Variants in CDRT4 observed in about 807,000 individuals in gnomAD.
CDRT4 encodes the protein CMT1A duplicated region transcript 4, also known as CMT1A duplicated region transcript 4 protein.
For missense variants in CDRT4, 167 were observed against 193.1 expected (o/e 0.87, Z 0.80); for synonymous variants, 64 against 69.6 (o/e 0.92, Z 0.40).
Position 15,467,467 on chromosome 17 carries a change from G to C in CDRT4, c.-137C>G, listed in dbSNP as rs1202778915. 2 of 152,330 alleles carry C rather than the reference G, an allele frequency of 1.3e-5. No individual in the cohort carries two copies. Among genetic ancestry groups the C allele is most frequent in the East Asian group, 1.9e-4 (1 of 5,180 alleles). The allele number at this position is 152,330 out of a possible 1,614,324, so 9.4% of individuals were successfully genotyped here. ...TCTGGCCCAGACTGTTACCTGAGAA[G>C]TTTCTGTGATTCCCCATCCTTCCTG... On this transcript the variant is annotated 5_prime_UTR_variant, in exon 1 of 4. Coordinates refer to ENST00000619038, the MANE Select transcript of CDRT4 (RefSeq NM_001204477.2).
chr17:15,452,259 T>C (rs1286333131), intron 2 of CDRT4, among the ~76,000 whole-genome samples: 1 of 152,202 alleles, frequency 6.6e-6, no homozygotes, highest in Non-Finnish European at 1.5e-5. Flanking sequence ...AGCCTTAAAG[T>C]TTTCCCCCAT....
intron 2 of CDRT4, among the ~76,000 whole-genome samples, chr17:15,452,063 A>G (rs539542210): frequency 6.6e-6 from 1 of 152,332 alleles, no homozygotes; most frequent in Non-Finnish European, 1.5e-5. Flanking sequence ...ATGGGACACA[A>G]ATGAAAAACA....
intron 1 of CDRT4, among the ~76,000 whole-genome samples, chr17:15,465,063 CACAG>C (rs1228678333): frequency 1.4e-5 from 2 of 146,740 alleles, no homozygotes; most frequent in African/African-American, 2.6e-5. Flanking sequence ...CACACACCAA[CACAG>C]ACACACACCA....
intron 3 of CDRT4, among the ~76,000 whole-genome samples, chr17:15,439,617 G>A (rs1461167892): frequency 2.0e-5 from 3 of 152,212 alleles, no homozygotes; most frequent in African/African-American, 7.2e-5. Flanking sequence ...TCCTGAACAT[G>A]CTGTGTTCTC....
Position 15,437,708 on chromosome 17 carries a change from G to A in CDRT4, c.*65C>T, listed in dbSNP as rs537731998. ...GAGTGGTAAATGGAGCTTAACTTTTGTACGTTCTTGGGGAATGGCTGCAGG... is the reference window on the plus strand; with the variant it reads ...GAGTGGTAAATGGAGCTTAACTTTTATACGTTCTTGGGGAATGGCTGCAGG... On this transcript the variant is annotated 3_prime_UTR_variant, in exon 4 of 4. Coordinates refer to ENST00000619038, the MANE Select transcript of CDRT4 (RefSeq NM_001204477.2). The A allele has an allele frequency of 6.6e-7, 1 of 1,509,964 alleles. No individual in the cohort carries two copies. Among genetic ancestry groups the A allele is most frequent in the East Asian group, 2.3e-5 (1 of 43,980 alleles). 93.5% of individuals were successfully genotyped at this position (1,509,964 alleles called of 1,614,324 possible).
chr17:15,442,413 GAAA>G (rs780450074), intron 2 of CDRT4, among the ~76,000 whole-genome samples: 1 of 110,058 alleles, frequency 9.1e-6, no homozygotes. Flanking sequence ...CCGTCTCCAA[GAAA>G]AAAAAAAAAA....
chr17:15,456,207 G>T (rs1979474113), intron 1 of CDRT4, among the ~76,000 whole-genome samples: 1 of 152,056 alleles, frequency 6.6e-6, no homozygotes, highest in South Asian at 2.1e-4. Flanking sequence ...AAATGAAGCT[G>T]CCCTTCCAAC....
chr17:15,437,678 CAAGT>C lies in CDRT4; in HGVS notation c.*91_*94del. On this transcript the variant is annotated 3_prime_UTR_variant, in exon 4 of 4. Transcript: ENST00000619038. Reference sequence around the variant, plus strand: ...CAAGTTCAGATTTAAAGGACACTGTCAAGTGAGTGGTAAATGGAGCTTAACTTTT... The same window carrying C: ...CAAGTTCAGATTTAAAGGACACTGTCGAGTGGTAAATGGAGCTTAACTTTT... The C allele has an allele frequency of 7.9e-7, 1 of 1,273,780 alleles. No homozygotes were observed. 78.9% of individuals were successfully genotyped at this position (1,273,780 alleles called of 1,614,324 possible). A position where few individuals can be genotyped will look rare whatever the true frequency, so the allele number is the denominator to read the frequency against.
chr17:15,463,691 C>T (rs919987127), intron 1 of CDRT4, among the ~76,000 whole-genome samples: 8 of 152,176 alleles, frequency 5.3e-5, no homozygotes, highest in African/African-American at 1.9e-4. Context: ...GGGCTCTCCA[C>T]TCTCCACTGT....
intron 1 of CDRT4, among the ~76,000 whole-genome samples, chr17:15,466,496 G>C (rs976148416): frequency 8.5e-5 from 13 of 152,160 alleles, no homozygotes; most frequent in Non-Finnish European, 1.9e-4. Context: ...TCATTCACTG[G>C]TGTCTTTTAT....
intron 2 of CDRT4, among the ~76,000 whole-genome samples, chr17:15,451,453 A>G (rs1405827244): frequency 6.9e-6 from 1 of 144,720 alleles, no homozygotes; most frequent in Non-Finnish European, 1.5e-5. Context: ...AGATTAAATC[A>G]TCCCCCTGCC....
chr17:15,442,434 AAG>A (rs973491202), intron 2 of CDRT4, among the ~76,000 whole-genome samples: 3 of 152,098 alleles, frequency 2.0e-5, no homozygotes, highest in Admixed American at 1.3e-4. Flanking sequence ...AAAAGAAAGA[AAG>A]AAATTTTTCT....
chr17:15,443,578 T>C, intron 2 of CDRT4: 2 of 291,498 alleles, frequency 6.9e-6, no homozygotes, highest in Non-Finnish European at 6.5e-6. Context: ...TCATAACACC[T>C]AGCCCACAGT....
In CDRT4 at chr17:15,464,463, C is replaced by T. The variant is rs1979903038; in HGVS notation, c.-130+2997G>A. On this transcript the variant is annotated intron_variant, in intron 1 of 3. Coordinates refer to ENST00000619038, the MANE Select transcript of CDRT4 (RefSeq NM_001204477.2). This position sits in a 1 kb window ranked among gnomAD's most constrained non-coding sequence, Gnocchi z 4.5. ...GAGCTCGCTTCTTCCCTTCCCACCCCTTGCTAGTTGGAGCTGATTCCTGAG... is the reference window on the plus strand; with the variant it reads ...GAGCTCGCTTCTTCCCTTCCCACCCTTTGCTAGTTGGAGCTGATTCCTGAG... Among the ~76,000 whole-genome samples the T allele has an allele frequency of 6.6e-6, 1 of 152,166 alleles. No individual in the cohort carries two copies. The highest frequency in any genetic ancestry group is 2.4e-5 in the African/African-American group (1 of 41,442).
intron 2 of CDRT4, among the ~76,000 whole-genome samples, chr17:15,444,976 CA>C (rs1302962526): frequency 6.6e-6 from 1 of 152,178 alleles, no homozygotes; most frequent in Non-Finnish European, 1.5e-5. Context: ...GACTCTCATG[CA>C]AATCTAATGA....
chr17:15,463,372 GTCTC>G (rs1979847456), intron 1 of CDRT4, among the ~76,000 whole-genome samples: 3 of 152,136 alleles, frequency 2.0e-5, no homozygotes, highest in African/African-American at 7.2e-5. Context: ...GTTGGCTCGT[GTCTC>G]TCTAAGGCCA....
chr17:15,442,830 T>A (rs189639319), intron 2 of CDRT4, among the ~76,000 whole-genome samples: 1 of 152,252 alleles, frequency 6.6e-6, no homozygotes, highest in East Asian at 1.9e-4. Context: ...TGTTTGAAAA[T>A]AACAGGAGAC....
chr17:15,465,373 G>C (rs1979981019), intron 1 of CDRT4, among the ~76,000 whole-genome samples: 1 of 130,146 alleles, frequency 7.7e-6, no homozygotes, highest in South Asian at 2.5e-4. Flanking sequence ...CACCAACACA[G>C]ACACACATAA....
chr17:15,462,795 G>A (rs558263546), intron 1 of CDRT4, among the ~76,000 whole-genome samples: 2 of 152,258 alleles, frequency 1.3e-5, no homozygotes, highest in Admixed American at 6.5e-5. Flanking sequence ...GGAGAGTAGT[G>A]ACCTCTGAGG....
Sources: allele counts gnomAD v4.1 joint callset (sites outside exome capture counted in the v4.1 genomes callset), GRCh38; gene constraint gnomAD v4.1.1; non-coding constraint Gnocchi (gnomAD v3.1); transcripts MANE v1.5; gene names NCBI Gene and HGNC (gene_info 2026-07-23, HGNC 2026-07-21).